TEX14: variants seen among roughly 807,000 people sequenced by gnomAD.
TEX14 encodes the protein testis expressed 14, intercellular bridge forming factor.
TEX14 carries 168 observed loss-of-function variants against 178.6 expected under a neutral mutation model. The observed-to-expected ratio is 0.94, with a 90% CI of 0.83 to 1.07. The LOEUF is 1.07. Ranked by LOEUF, TEX14 falls within the 50% of genes least tolerant of loss-of-function variation. The pLI is 0.00. For synonymous variants in TEX14, 626 were observed against 634.1 expected (o/e 0.99, Z 0.19); for missense variants, 1,730 against 1,753.6 (o/e 0.99, Z 0.24).
At chr17:58,587,034 T>G (rs72826360) in intron 17 of TEX14, among the ~76,000 whole-genome samples, 22,455 of 152,244 alleles carry the variant, frequency 0.15, 2,054 homozygotes, top group Middle Eastern at 0.21. Context: ...AGGTAATTAC[T>G]TATCTTACTT....
chr17:58,605,118 C>T lies in TEX14; in HGVS notation c.1196G>A (p.Gly399Asp), dbSNP rs1298132654. The T allele has an allele frequency of 6.2e-7, 1 of 1,614,074 alleles. No homozygotes were observed. The highest frequency in any genetic ancestry group is 2.2e-5 in the East Asian group (1 of 44,874). The change falls in exon 11 of 32, where the codon GGT (glycine) becomes GAT (aspartate). Residue 399 changes from glycine (G) to aspartate (D), a missense_variant. Physicochemically the swap from Gly to Asp is moderately conservative, Grantham distance 94. This residue lies in a region of TEX14 where 789 missense variants were observed against 681.2 expected (regional missense o/e 1.16). Coordinates refer to ENST00000349033, the MANE Select transcript of TEX14 (RefSeq NM_031272.5). ...CACTCGAGTCAGGTCCCTCTGTACACCTCTGTCCTCGCTACGGAAGGAAAC... is the reference window on the plus strand; with the variant it reads ...CACTCGAGTCAGGTCCCTCTGTACATCTCTGTCCTCGCTACGGAAGGAAAC... The part of the protein sequence containing the change: ...LEYMLESEDR[G>D]VQRDLTRVPL...
intron 2 of TEX14, among the ~76,000 whole-genome samples, chr17:58,645,943 C>G (rs1326416159): frequency 6.6e-6 from 1 of 152,124 alleles, no homozygotes; most frequent in Non-Finnish European, 1.5e-5. Flanking sequence ...TATTTTAAAT[C>G]ATCTCTAGAT....
chr17:58,571,265 T>A (rs1266330474), intron 24 of TEX14, among the ~76,000 whole-genome samples: 1 of 142,752 alleles, frequency 7.0e-6, no homozygotes, highest in Non-Finnish European at 1.5e-5. Flanking sequence ...AGACAGGGTC[T>A]CACTCTGTCG....
intron 21 of TEX14, among the ~76,000 whole-genome samples, chr17:58,576,608 A>G (rs942836472): frequency 6.6e-6 from 1 of 152,244 alleles, no homozygotes; most frequent in Non-Finnish European, 1.5e-5. Flanking sequence ...ACATTGATAC[A>G]GTCAAGATAC....
chr17:58,613,609 AG>A, intron 8 of TEX14, 65 bp from the exon 9 acceptor site: 1 of 1,542,166 alleles, frequency 6.5e-7, no homozygotes, highest in Non-Finnish European at 8.9e-7. Flanking sequence ...AAATGAGCGT[AG>A]GCCTTTTGAA....
At chr17:58,686,861 CTTTTTTTTTTTTTTTT>C (rs71143271) in intron 1 of TEX14, among the ~76,000 whole-genome samples, 2 of 71,478 alleles carry the variant, frequency 2.8e-5, no homozygotes, top group Non-Finnish European at 5.1e-5. Context: ...GAAAGGTCAC[CTTTTTTTTTTTTTTTT>C]TTTTTTTTTT....
chr17:58,564,788 T>C (rs2044362196), intron 28 of TEX14, 81 bp downstream of exon 28: 2 of 816,382 alleles, frequency 2.4e-6, no homozygotes, highest in African/African-American at 3.6e-5. Context: ...TTTTCTTTCT[T>C]ATTTGTCAAT....
intron 1 of TEX14, among the ~76,000 whole-genome samples, chr17:58,659,148 G>A (rs1035067780): frequency 2.7e-5 from 4 of 150,830 alleles, no homozygotes; most frequent in Non-Finnish European, 5.9e-5. Flanking sequence ...TTCAATCACA[G>A]GACAGAAAAG....
intron 26 of TEX14, among the ~76,000 whole-genome samples, chr17:58,568,949 C>T (rs910100117): frequency 1.3e-5 from 2 of 152,140 alleles, no homozygotes; most frequent in Non-Finnish European, 2.9e-5. Flanking sequence ...GATTCATCAA[C>T]ATAAGTCCTT....
chr17:58,678,072 C>T (rs1004785541), intron 1 of TEX14, among the ~76,000 whole-genome samples: 2 of 152,176 alleles, frequency 1.3e-5, no homozygotes, highest in African/African-American at 4.8e-5. Context: ...ATTGCTTGAA[C>T]CTGGTAGGCA....
chr17:58,581,608 T>C (rs767888909), intron 19 of TEX14: 2 of 1,613,272 alleles, frequency 1.2e-6, no homozygotes, highest in Non-Finnish European at 1.7e-6. Context: ...CTGCGTTTTT[T>C]ACCTCTAGAG....
At position 58,581,522 on chromosome 17, in the gene TEX14, C is replaced by G. The variant is rs1045241291; in HGVS notation, c.3172-1791G>C. Reference sequence around the variant, plus strand: ...AAAAAATCCTGGTAGACATTACATACTTTGATATGTAAGCTATTTTTCTCA... The same window carrying G: ...AAAAAATCCTGGTAGACATTACATAGTTTGATATGTAAGCTATTTTTCTCA... On this transcript the variant is annotated intron_variant, in intron 19 of 31. Coordinates refer to ENST00000349033, the MANE Select transcript of TEX14 (RefSeq NM_031272.5). 6.3e-6 allele frequency: 9 copies of G among 1,429,084 alleles called. No individual in the cohort carries two copies. In the African/African-American group the frequency reaches 1.3e-4, roughly 21 times the overall value. 88.5% of individuals were successfully genotyped at this position (1,429,084 alleles called of 1,614,324 possible).
chr17:58,577,893 C>T (rs987295329), intron 20 of TEX14, among the ~76,000 whole-genome samples: 1 of 152,012 alleles, frequency 6.6e-6, no homozygotes, highest in Non-Finnish European at 1.5e-5. Flanking sequence ...TAGGTGTGGG[C>T]GTGGGCGTGG....
At chr17:58,669,495 G>A (rs1162981731) in intron 1 of TEX14, among the ~76,000 whole-genome samples, 3 of 151,618 alleles carry the variant, frequency 2.0e-5, no homozygotes, top group Non-Finnish European at 4.4e-5. Flanking sequence ...CACTTTCGGA[G>A]GCCGAGGTTA....
At position 58,598,906 on chromosome 17, in the gene TEX14, G is replaced by A. The variant is rs2045358227; in HGVS notation, c.2439C>T (p.Asn813=). 6.2e-7 allele frequency: 1 copy of A among 1,612,530 alleles called. No individual in the cohort carries two copies. The highest frequency in any genetic ancestry group is 8.5e-7 in the Non-Finnish European group (1 of 1,179,296). The change falls in exon 14 of 32, where the codon AAC becomes AAT. Residue 813 remains asparagine (N), a synonymous_variant. Coordinates refer to ENST00000349033, the MANE Select transcript of TEX14 (RefSeq NM_031272.5). ...TTGGAAATCTTGGTAGGGTTGGGTA[G>A]TTGCCACTGGTGTCTGGCTTCTGAC... The part of the protein sequence containing the change: ...SGGQKPDTSG[N]YPTLPRFPRM...
At chr17:58,609,361 G>T (rs747810710) in intron 10 of TEX14, among the ~76,000 whole-genome samples, 2 of 151,938 alleles carry the variant, frequency 1.3e-5, no homozygotes, top group African/African-American at 4.8e-5. Flanking sequence ...CACCCGTCTC[G>T]GCCTCCCAAA....
At chr17:58,619,679 G>C (rs302861) in intron 5 of TEX14, among the ~76,000 whole-genome samples, 45,090 of 151,092 alleles carry the variant, frequency 0.3, 7,190 homozygotes, top group Middle Eastern at 0.49. Flanking sequence ...TAATTTTATA[G>C]TAATCCCAGC....
Position 58,616,178 on chromosome 17 carries a change from G to A in TEX14, c.764C>T (p.Thr255Ile), listed in dbSNP as rs923673296. 2.5e-6 allele frequency: 4 copies of A among 1,612,708 alleles called. No individual in the cohort carries two copies. The highest frequency in any genetic ancestry group is 2.7e-5 in the African/African-American group (2 of 74,828). The change falls in exon 7 of 32, where the codon ACC (threonine) becomes ATC (isoleucine). Residue 255 changes from threonine (T) to isoleucine (I), a missense_variant. This residue lies in a region of TEX14 where 789 missense variants were observed against 681.2 expected (regional missense o/e 1.16). Transcript: ENST00000349033. Reference sequence around the variant, plus strand: ...AAACTGGCCAGCCCCCACTTACTTGGTCATGACCATGTAGGGGCCGCTGAA... The same window carrying A: ...AAACTGGCCAGCCCCCACTTACTTGATCATGACCATGTAGGGGCCGCTGAA... ...SFFSGPYMVM[T>I]NLVWNGSRVT...
At chr17:58,600,524 G>C (rs1457852886) in intron 13 of TEX14, among the ~76,000 whole-genome samples, 1 of 149,448 alleles carries the variant, frequency 6.7e-6, no homozygotes, top group African/African-American at 2.5e-5. Context: ...TTGCGCCATT[G>C]CACTCCAGTC....
Sources: allele counts gnomAD v4.1 joint callset (sites outside exome capture counted in the v4.1 genomes callset), GRCh38; gene constraint gnomAD v4.1.1; regional missense constraint gnomAD v4.1.1; transcripts MANE v1.5; gene names NCBI Gene and HGNC (gene_info 2026-07-23, HGNC 2026-07-21).